The following TBC1D31 variants were observed in gnomAD, a reference collection of about 807,000 sequenced individuals.
The protein encoded by TBC1D31 is TBC1 domain family member 31, also known as WD repeat domain 67.
Under a neutral mutation model 132.9 loss-of-function variants are expected in TBC1D31, and 99 were observed. The observed-to-expected ratio is 0.74, with a 90% CI of 0.63 to 0.88. The LOEUF is 0.88. Among genes scored for constraint, TBC1D31 ranks in the 40% least tolerant of loss-of-function variants. TBC1D31 has a pLI of 0.00. For synonymous variants in TBC1D31, 385 were observed against 419.4 expected (o/e 0.92, Z 1.00); for missense variants, 1,134 against 1,256.6 (o/e 0.90, Z 1.48).
chr8:123,157,606 AC>A, the TBC1D31 span, among the ~76,000 whole-genome samples: 21 of 152,288 alleles, frequency 1.4e-4, no homozygotes, highest in African/African-American at 4.6e-4. Context: ...CTTATCAGGC[AC>A]CCACTGTGTT....
At chr8:123,089,809 G>A (rs568356890) in intron 4 of TBC1D31, among the ~76,000 whole-genome samples, 169 of 152,322 alleles carry the variant, frequency 1.1e-3, no homozygotes, top group African/African-American at 3.7e-3. Context: ...GGCAAAATGC[G>A]ATCTGACCTC....
At chr8:123,084,667 G>T (rs909210694) in intron 4 of TBC1D31, among the ~76,000 whole-genome samples, 10 of 152,050 alleles carry the variant, frequency 6.6e-5, no homozygotes, top group Non-Finnish European at 5.9e-5. Flanking sequence ...GAGAATTTTT[G>T]AACACGTGTA....
intron 1 of TBC1D31, among the ~76,000 whole-genome samples, chr8:123,075,583 A>G (rs1482006891): frequency 6.6e-6 from 1 of 152,068 alleles, no homozygotes; most frequent in Non-Finnish European, 1.5e-5. Flanking sequence ...TGCACCTGTA[A>G]TCCCAGCTAC....
chr8:123,079,651 G>T lies in TBC1D31; in HGVS notation c.224+2394G>T, dbSNP rs572977318. On this transcript the variant is annotated intron_variant, in intron 2 of 21. Transcript: ENST00000287380. ...CTTTGCACTTCATTTGCTTGTCTAC[G>T]GTTACTTAACGTTTCCTATTCTCCA... Among the ~76,000 whole-genome samples, 6 of 152,126 alleles carry T rather than the reference G, an allele frequency of 3.9e-5. No individual in the cohort carries two copies. The South Asian group carries it at 1.0e-3, about 26-fold the overall frequency.
At position 123,144,745 on chromosome 8, in the gene TBC1D31, G is replaced by A. The variant is rs766203135; in HGVS notation, c.2864G>A (p.Arg955His). Reference sequence around the variant, plus strand: ...AAGGAAGCTGAAGGAAAAGAGTTCCGTTTGAGATCAGCAAAGAAAGCTTCT... The same window carrying A: ...AAGGAAGCTGAAGGAAAAGAGTTCCATTTGAGATCAGCAAAGAAAGCTTCT... ...KWKEAEGKEF[R>H]LRSAKKASAL... Residue 955 changes from arginine (R) to histidine (H), a missense_variant, in exon 20 of 22, where the codon CGT (arginine) becomes CAT (histidine). Transcript: ENST00000287380. 110 of 1,608,156 alleles carry A rather than the reference G, an allele frequency of 6.8e-5. 2 individuals carry two copies. The highest frequency in any genetic ancestry group is 2.2e-4 in the South Asian group (20 of 89,214).
At chr8:123,148,609 T>G (rs1586748173) in intron 20 of TBC1D31, among the ~76,000 whole-genome samples, 1 of 152,150 alleles carries the variant, frequency 6.6e-6, no homozygotes, top group African/African-American at 2.4e-5. Flanking sequence ...GAACCACACC[T>G]GATTCGCGTC....
At chr8:123,149,928 A>G (rs1359989041) in intron 20 of TBC1D31, 108 bp from the exon 21 acceptor site, 6 of 650,382 alleles carry the variant, frequency 9.2e-6, no homozygotes, top group Non-Finnish European at 1.6e-5. Flanking sequence ...AAAAGAAAGG[A>G]GTTTTTAGCC....
chr8:123,092,554 GAC>G (rs1816428289), intron 4 of TBC1D31, among the ~76,000 whole-genome samples: 1 of 152,126 alleles, frequency 6.6e-6, no homozygotes, highest in Admixed American at 6.6e-5. Flanking sequence ...ATAGGGAAAA[GAC>G]ACTGTCATAC....
chr8:123,141,344 T>TG (rs1821644626), intron 18 of TBC1D31, among the ~76,000 whole-genome samples: 2 of 142,954 alleles, frequency 1.4e-5, no homozygotes, highest in African/African-American at 5.2e-5. Flanking sequence ...GTGTATTGTG[T>TG]GGACTATTAA....
At chr8:123,158,751 G>T in the TBC1D31 span, among the ~76,000 whole-genome samples, 2 of 152,140 alleles carry the variant, frequency 1.3e-5, no homozygotes, top group Non-Finnish European at 2.9e-5. Flanking sequence ...GAGGATAGGC[G>T]AAGAGGAATC....
Position 123,128,491 on chromosome 8 carries a change from G to T in TBC1D31, c.2095G>T (p.Glu699Ter). 2 of 1,607,032 alleles carry T rather than the reference G, an allele frequency of 1.2e-6. No individual in the cohort carries two copies. The highest frequency in any genetic ancestry group is 1.7e-6 in the Non-Finnish European group (2 of 1,173,688). The change falls in exon 14 of 22, where the codon GAA becomes TAA. Residue 699 changes from glutamate (E) to a stop codon, truncating the protein, a stop_gained. Coordinates refer to ENST00000287380, the MANE Select transcript of TBC1D31 (RefSeq NM_145647.4). LOFTEE classifies it high-confidence loss of function. ...TQERERIRNDELDYLRERQTV... is the reference protein window; with the variant it reads ...TQERERIRND Reference sequence around the variant, plus strand: ...GGAACGAGAAAGAATAAGGAATGATGAATTGGATTACTTAAGAGAGAGGTA... The same window carrying T: ...GGAACGAGAAAGAATAAGGAATGATTAATTGGATTACTTAAGAGAGAGGTA...
At position 123,097,364 on chromosome 8, in the gene TBC1D31, A is replaced by C. The variant is rs200087751; in HGVS notation, c.754A>C (p.Ile252Leu). ...CLEARQLFRIIQMPTKVRAIR... is the reference protein window; with the variant it reads ...CLEARQLFRILQMPTKVRAIR... ...GGAAGCTAGGCAGCTCTTTAGAATT[A>C]TCCAGATGCCCACTAAAGTTCGAGC... The change falls in exon 6 of 22, where the codon ATC becomes CTC. Residue 252 changes from isoleucine (I) to leucine (L), a missense_variant. Physicochemically the swap from Ile to Leu is conservative, Grantham distance 5 (BLOSUM62 2). Transcript: ENST00000287380. 1 of 1,614,180 alleles carries C rather than the reference A, an allele frequency of 6.2e-7. No homozygotes were observed. Among genetic ancestry groups the C allele is most frequent in the South Asian group, 1.1e-5 (1 of 91,082 alleles).
chr8:123,130,367 T>A, intron 16 of TBC1D31, 34 bp downstream of exon 16: 1 of 1,583,384 alleles, frequency 6.3e-7, no homozygotes, highest in Non-Finnish European at 8.6e-7. Context: ...TCATACATCA[T>A]CTCCATTTAC....
chr8:123,103,869 T>A (rs2097704008), intron 7 of TBC1D31: 1 of 152,280 alleles, frequency 6.6e-6, no homozygotes, highest in Non-Finnish European at 1.5e-5. Context: ...TGATCTTTTT[T>A]ATTTTTTGAC....
downstream of TBC1D31, among the ~76,000 whole-genome samples, chr8:123,153,484 A>G (rs1822911063): frequency 6.6e-6 from 1 of 152,140 alleles, no homozygotes; most frequent in Non-Finnish European, 1.5e-5. Context: ...CTCTCACCCA[A>G]ATGAAGTTCT....
At chr8:123,151,782 T>C (rs758874876) in intron 21 of TBC1D31, 24 bp from the exon 22 acceptor site, 1 of 1,546,038 alleles carries the variant, frequency 6.5e-7, no homozygotes, top group South Asian at 1.3e-5. Flanking sequence ...TCAGCTTTTC[T>C]AAATTTTAAA....
At chr8:123,113,827 A>G (rs4871348) in intron 10 of TBC1D31, among the ~76,000 whole-genome samples, 45,696 of 152,026 alleles carry the variant, frequency 0.3, 6,909 homozygotes, top group African/African-American at 0.32. Context: ...CTAAAATTCA[A>G]AATTGTAACT....
the TBC1D31 span, among the ~76,000 whole-genome samples, chr8:123,161,969 G>C: frequency 3.0e-5 from 4 of 131,296 alleles, no homozygotes; most frequent in South Asian, 2.4e-4. Flanking sequence ...AGTGAGCCGA[G>C]ATCGTGCCAC....
intron 2 of TBC1D31, among the ~76,000 whole-genome samples, chr8:123,082,146 C>T (rs1815228062): frequency 1.3e-5 from 2 of 152,270 alleles, no homozygotes; most frequent in South Asian, 2.1e-4. Context: ...TCCTCTTTTG[C>T]CTAAGTTCAA....
Sources: gnomAD v4.1 joint callset for allele counts (sites outside exome capture counted in the v4.1 genomes callset) on GRCh38, gnomAD v4.1.1 for gene constraint, MANE v1.5 for transcripts, NCBI Gene and HGNC (gene_info 2026-07-23, HGNC 2026-07-21) for gene names.